PLCZ1: variants seen among roughly 807,000 people sequenced by gnomAD.
The protein encoded by PLCZ1 is 1-phosphatidylinositol 4,5-bisphosphate phosphodiesterase zeta-1.
A neutral mutation model predicts 76.8 loss-of-function variants in PLCZ1; 64 were observed. The ratio of observed to expected loss-of-function variants is 0.83; its 90% CI spans 0.68 to 1.03. PLCZ1 has a LOEUF of 1.03. Ranked by LOEUF, PLCZ1 falls within the 50% of genes least tolerant of loss-of-function variation. The pLI, the probability that PLCZ1 is intolerant of heterozygous loss-of-function variation, is 0.00. For synonymous variants in PLCZ1, 248 were observed against 230.8 expected (o/e 1.07, Z -0.68); for missense variants, 751 against 713.7 (o/e 1.05, Z -0.60).
chr12:18,703,319 G>C (rs1825142726), intron 7 of PLCZ1, among the ~76,000 whole-genome samples: 1 of 152,002 alleles, frequency 6.6e-6, no homozygotes, highest in South Asian at 2.1e-4. Flanking sequence ...CTTGTCACTA[G>C]TGTCACAACA....
At chr12:18,699,725 A>T in intron 10 of PLCZ1, 69 bp downstream of exon 10, 1 of 1,421,714 alleles carries the variant, frequency 7.0e-7, no homozygotes. Context: ...ATCATTGAGC[A>T]ATCTTAACAC....
chr12:18,737,653 C>A (rs1959538896), intron 1 of PLCZ1, 144 bp from the exon 2 acceptor site: 1 of 550,960 alleles, frequency 1.8e-6, no homozygotes, highest in South Asian at 2.1e-5. Context: ...TACGTTCTGA[C>A]CACCTCCAAA....
the PLCZ1 span, among the ~76,000 whole-genome samples, chr12:18,671,646 T>C: frequency 1.3e-5 from 2 of 151,928 alleles, no homozygotes; most frequent in East Asian, 3.9e-4. Context: ...CTATATTGGA[T>C]ATAAAAAAAA....
chr12:18,684,939 G>A (rs1239912529), intron 13 of PLCZ1, among the ~76,000 whole-genome samples: 3 of 151,904 alleles, frequency 2.0e-5, no homozygotes, highest in African/African-American at 7.2e-5. Context: ...ATCTCCTGCT[G>A]CCACATGAAA....
intron 8 of PLCZ1, 38 bp from the exon 9 acceptor site, chr12:18,701,606 A>ATCCTCCTCCTCCTCCTCCTCCTCC (rs11279217): frequency 1.4e-5 from 22 of 1,524,916 alleles, no homozygotes; most frequent in Non-Finnish European, 8.9e-7. Context: ...CTTTGAATTT[A>ATCCTCCTCCTCCTCCTCCTCCTCC]TCCTCCTCCT....
At chr12:18,731,933 A>T (rs1357006139) in intron 3 of PLCZ1, among the ~76,000 whole-genome samples, 1 of 151,748 alleles carries the variant, frequency 6.6e-6, no homozygotes, top group Non-Finnish European at 1.5e-5. Flanking sequence ...TTTTTGGATG[A>T]TTTTCTTTTG....
At chr12:18,666,593 A>ACTGAC in the PLCZ1 span, among the ~76,000 whole-genome samples, 428 of 152,330 alleles carry the variant, frequency 2.8e-3, 3 homozygotes, top group African/African-American at 9.5e-3. Context: ...GAATTGAAGA[A>ACTGAC]AGAAACAGAT....
Position 18,737,426 on chromosome 12 carries a change from G to A in PLCZ1, c.-55C>T, listed in dbSNP as rs763766584. The A allele has an allele frequency of 6.2e-7, 1 of 1,611,994 alleles. No homozygotes were observed. The highest frequency in any genetic ancestry group is 1.7e-5 in the Admixed American group (1 of 59,934). ...TCACTTAGAAGTCTTTCCCCAGTAG[G>A]TGCTGTCATGGGTTCCAAATACAAT... On this transcript the variant is annotated 5_prime_UTR_variant, in exon 2 of 15. Transcript: ENST00000266505.
At chr12:18,672,178 C>T in the PLCZ1 span, among the ~76,000 whole-genome samples, 21 of 152,242 alleles carry the variant, frequency 1.4e-4, no homozygotes, top group African/African-American at 4.8e-4. Flanking sequence ...TAGTTTCTGA[C>T]ATTTCTCAGT....
intron 5 of PLCZ1, 144 bp from the exon 6 acceptor site, chr12:18,713,130 A>C (rs1325210099): frequency 1.8e-6 from 2 of 1,106,788 alleles, no homozygotes; most frequent in Non-Finnish European, 2.6e-6. Context: ...TGTCTTTGGG[A>C]CAAGTTTTGA....
At chr12:18,724,864 G>C (rs1032552601) in intron 3 of PLCZ1, among the ~76,000 whole-genome samples, 2 of 151,958 alleles carry the variant, frequency 1.3e-5, no homozygotes, top group African/African-American at 4.8e-5. Context: ...AAAAAATTAT[G>C]GTTCTACTGA....
chr12:18,675,845 T>C, the PLCZ1 span, among the ~76,000 whole-genome samples: 2 of 150,460 alleles, frequency 1.3e-5, no homozygotes, highest in Non-Finnish European at 3.0e-5. Flanking sequence ...AGGTAAATAA[T>C]AGACACTAGG....
At chr12:18,686,137 C>G (rs940697763) in intron 13 of PLCZ1, among the ~76,000 whole-genome samples, 1 of 151,934 alleles carries the variant, frequency 6.6e-6, no homozygotes, top group African/African-American at 2.4e-5. Context: ...TCCCCCATTC[C>G]TTTCCTACTG....
At chr12:18,694,652 A>G (rs1327569933) in intron 12 of PLCZ1, among the ~76,000 whole-genome samples, 2 of 152,178 alleles carry the variant, frequency 1.3e-5, no homozygotes, top group Non-Finnish European at 2.9e-5. Flanking sequence ...ATGAAATCAT[A>G]TAGTAGAACT....
chr12:18,711,779 C>A (rs928482972), intron 6 of PLCZ1, among the ~76,000 whole-genome samples: 40 of 151,894 alleles, frequency 2.6e-4, no homozygotes, highest in Non-Finnish European at 4.1e-4. Context: ...GTGGTAATGT[C>A]AAACAGGCAG....
At chr12:18,720,624 G>A in intron 4 of PLCZ1, among the ~76,000 whole-genome samples, 1 of 151,794 alleles carries the variant, frequency 6.6e-6, no homozygotes, top group East Asian at 1.9e-4. Context: ...ATTTTTAGTT[G>A]CTATTATTAC....
rs1180216021 is a variant in PLCZ1, at chr12:18,719,589, G to A, written c.411C>T (p.Tyr137=). ...ACAGTAGACATTCACGTGAATCCAT[G>A]TATCTTGTAAAACCTTCTAATGACA... The part of the protein sequence containing the change: ...HQMSLEGFTR[Y]MDSRECLLFK... The change falls in exon 5 of 15, where the codon TAC becomes TAT. Residue 137 remains tyrosine (Y), a synonymous_variant. Coordinates refer to ENST00000266505, the MANE Select transcript of PLCZ1 (RefSeq NM_033123.4). 5 of 1,606,438 alleles carry A rather than the reference G, an allele frequency of 3.1e-6. No homozygotes were observed. The highest frequency in any genetic ancestry group is 1.3e-5 in the African/African-American group (1 of 74,812).
the PLCZ1 span, among the ~76,000 whole-genome samples, chr12:18,666,528 C>T: frequency 6.6e-6 from 1 of 151,928 alleles, no homozygotes; most frequent in Admixed American, 6.6e-5. Flanking sequence ...GAAGATAAAA[C>T]AATTATAAAT....
intron 12 of PLCZ1, among the ~76,000 whole-genome samples, chr12:18,689,316 A>G (rs766695965): frequency 2.2e-4 from 33 of 152,196 alleles, no homozygotes; most frequent in Non-Finnish European, 4.4e-4. Context: ...ACATAATTGA[A>G]TATGAAAACT....
Sources: gnomAD v4.1 joint callset for allele counts (sites outside exome capture counted in the v4.1 genomes callset) on GRCh38, gnomAD v4.1.1 for gene constraint, MANE v1.5 for transcripts, NCBI Gene and HGNC (gene_info 2026-07-23, HGNC 2026-07-21) for gene names.